Variants in CCSER1 observed in about 807,000 individuals in gnomAD.
CCSER1 encodes the protein coiled-coil serine rich protein 1.
A neutral mutation model predicts 82.0 loss-of-function variants in CCSER1; 41 were observed. That is an observed-to-expected ratio of 0.50 (90% confidence interval 0.39 to 0.65). CCSER1 has a LOEUF of 0.65. CCSER1 is among the 30% of genes least tolerant of loss of function. The pLI, the probability that CCSER1 is intolerant of heterozygous loss-of-function variation, is 0.00. For missense variants in CCSER1, 1,119 were observed against 1,064.2 expected, an observed-to-expected ratio of 1.05 and a Z score of -0.72; for synonymous variants, 414 against 383.9, an observed-to-expected ratio of 1.08 and a Z score of -0.92.
chr4:90,237,782 C>T (rs1450477442), intron 1 of CCSER1, among the ~76,000 whole-genome samples: 3 of 152,110 alleles, frequency 2.0e-5, no homozygotes, highest in Non-Finnish European at 4.4e-5. Flanking sequence ...AAAATAACGA[C>T]AACATCTTAA....
At chr4:90,554,434 A>G (rs1777881508) in intron 5 of CCSER1, among the ~76,000 whole-genome samples, 3 of 152,244 alleles carry the variant, frequency 2.0e-5, no homozygotes, top group East Asian at 1.9e-4. Context: ...ATGTGATAAT[A>G]TGTGATTCAA....
In CCSER1 at chr4:90,943,514, A is replaced by C. The variant is rs565733083; in HGVS notation, c.2172+20067A>C. Among the ~76,000 whole-genome samples the C allele has an allele frequency of 9.9e-5, 15 of 152,188 alleles. No individual in the cohort carries two copies. The East Asian group carries it at 1.4e-3, about 14-fold the overall frequency. ...ATGCAACATGAGTAAAACTTTACGC[A>C]ATATACTAATAAACATGTACTCTAA... On this transcript the variant is annotated intron_variant, in intron 9 of 10. Transcript: ENST00000509176.
chr4:90,441,730 G>A (rs921287265), intron 4 of CCSER1, among the ~76,000 whole-genome samples: 3 of 152,186 alleles, frequency 2.0e-5, no homozygotes, highest in Non-Finnish European at 4.4e-5. Flanking sequence ...ACGTGGGAGG[G>A]TCCACAAGTA....
At chr4:90,245,362 G>A (rs1489945268) in intron 1 of CCSER1, among the ~76,000 whole-genome samples, 2 of 152,094 alleles carry the variant, frequency 1.3e-5, no homozygotes, top group Non-Finnish European at 2.9e-5. Context: ...TTCTTTTGTG[G>A]TGTAATTAGT....
At chr4:91,141,231 G>A (rs1194378450) in intron 10 of CCSER1, among the ~76,000 whole-genome samples, 1 of 150,854 alleles carries the variant, frequency 6.6e-6, no homozygotes, top group Non-Finnish European at 1.5e-5. Context: ...TCGGCTCACT[G>A]CAACCTCTAC....
intron 10 of CCSER1, among the ~76,000 whole-genome samples, chr4:91,479,587 T>A (rs1309724632): frequency 2.0e-5 from 3 of 151,664 alleles, no homozygotes; most frequent in Admixed American, 6.6e-5. Context: ...TGAGTCTCAA[T>A]TTTTTAGTGA....
intron 10 of CCSER1, among the ~76,000 whole-genome samples, chr4:91,362,776 T>A (rs949889688): frequency 2.0e-5 from 3 of 151,854 alleles, no homozygotes; most frequent in Admixed American, 1.3e-4. Context: ...CTAGCTCAAA[T>A]ATAACTGTCT....
At chr4:91,418,577 G>C (rs182756396) in intron 10 of CCSER1, among the ~76,000 whole-genome samples, 1 of 152,034 alleles carries the variant, frequency 6.6e-6, no homozygotes, top group East Asian at 1.9e-4. Context: ...GATTGAATCA[G>C]TAATCAAAGA....
intron 10 of CCSER1, among the ~76,000 whole-genome samples, chr4:91,157,505 AATG>A (rs752539697): frequency 4.9e-4 from 75 of 152,092 alleles, no homozygotes; most frequent in Non-Finnish European, 9.4e-4. Flanking sequence ...TTTGATATAT[AATG>A]ATACTTTCTT....
chr4:91,310,732 A>G (rs1270903435), intron 10 of CCSER1, among the ~76,000 whole-genome samples: 3 of 151,980 alleles, frequency 2.0e-5, no homozygotes, highest in Non-Finnish European at 4.4e-5. Context: ...AGGAGGTAAT[A>G]GTATTGCCTT....
intron 2 of CCSER1, among the ~76,000 whole-genome samples, chr4:90,311,715 C>T (rs1735317673): frequency 6.6e-6 from 1 of 152,094 alleles, no homozygotes; most frequent in South Asian, 2.1e-4. Context: ...AGTTATCTGG[C>T]AATTTAACTT....
chr4:90,181,945 A>G (rs1340257237), intron 1 of CCSER1, among the ~76,000 whole-genome samples: 1 of 152,048 alleles, frequency 6.6e-6, no homozygotes, highest in Non-Finnish European at 1.5e-5. Flanking sequence ...AAAATGGAGG[A>G]TGGTTTGGGT....
At chr4:91,511,128 G>A (rs1003662015) in intron 10 of CCSER1, among the ~76,000 whole-genome samples, 7 of 151,806 alleles carry the variant, frequency 4.6e-5, no homozygotes, top group African/African-American at 7.3e-5. Context: ...TTGTTGAAGC[G>A]CAGTTGGTAT....
At chr4:91,200,585 T>C (rs1360958877) in intron 10 of CCSER1, among the ~76,000 whole-genome samples, 1 of 152,084 alleles carries the variant, frequency 6.6e-6, no homozygotes, top group African/African-American at 2.4e-5. Context: ...AACTTGGTAC[T>C]TTAATGTATT....
intron 10 of CCSER1, among the ~76,000 whole-genome samples, chr4:91,582,960 C>A (rs942713291): frequency 6.6e-6 from 1 of 151,236 alleles, no homozygotes; most frequent in African/African-American, 2.4e-5. Context: ...TTTCTTAGAG[C>A]TAAAGATAGC....
In CCSER1 at chr4:91,564,777, A is replaced by G. The variant is rs556006846; in HGVS notation, c.2218-33795A>G. 6.6e-4 allele frequency among the ~76,000 whole-genome samples: 101 copies of G among 152,082 alleles called. No homozygotes were observed. The South Asian group carries it at 8.5e-3, about 13-fold the overall frequency. ...TTTAGGTTCCTTATCAATGCTGGATATTAGACCTTCTTCAGAAGCATAGTT... is the reference window on the plus strand; with the variant it reads ...TTTAGGTTCCTTATCAATGCTGGATGTTAGACCTTCTTCAGAAGCATAGTT... On this transcript the variant is annotated intron_variant, in intron 10 of 10. Transcript: ENST00000509176.
intron 10 of CCSER1, among the ~76,000 whole-genome samples, chr4:91,205,527 A>T (rs1197048595): frequency 6.6e-6 from 1 of 151,728 alleles, no homozygotes; most frequent in African/African-American, 2.4e-5. Context: ...TGATGATGGG[A>T]CATTGAAGAG....
At chr4:90,704,355 T>A (rs1738833470) in intron 6 of CCSER1, among the ~76,000 whole-genome samples, 1 of 152,200 alleles carries the variant, frequency 6.6e-6, no homozygotes, top group South Asian at 2.1e-4. Context: ...TGTTAGTCTG[T>A]TGGGCTTCCC....
chr4:90,290,547 C>T lies in CCSER1; in HGVS notation c.-41-17697C>T, dbSNP rs544729510. On this transcript the variant is annotated intron_variant, in intron 1 of 10. Transcript: ENST00000509176. Reference sequence around the variant, plus strand: ...AATCACAAAATGTTCTCAGATCCTACATAAGTACTTGTTTAGTATTCAATT... The same window carrying T: ...AATCACAAAATGTTCTCAGATCCTATATAAGTACTTGTTTAGTATTCAATT... Among the ~76,000 whole-genome samples the T allele has an allele frequency of 4.6e-5, 7 of 152,050 alleles. No homozygotes were observed. In the East Asian group the frequency reaches 1.4e-3, roughly 29 times the overall value.
Sources: gnomAD v4.1 joint callset for allele counts (sites outside exome capture counted in the v4.1 genomes callset) on GRCh38, gnomAD v4.1.1 for gene constraint, MANE v1.5 for transcripts, NCBI Gene and HGNC (gene_info 2026-07-23, HGNC 2026-07-21) for gene names.